Variants in ITIH5 observed in about 807,000 individuals in gnomAD.
ITIH5 encodes the protein inter-alpha-trypsin inhibitor heavy chain 5, also known as inter-alpha-trypsin inhibitor heavy chain H5.
In ITIH5, 65 loss-of-function variants were observed where a neutral mutation model predicts 77.5. That is an observed-to-expected ratio of 0.84 (90% CI 0.69 to 1.03). The LOEUF (loss-of-function observed/expected upper bound fraction) is 1.03. ITIH5 is among the 50% of genes least tolerant of loss of function. ITIH5 has a pLI of 0.00. For synonymous variants in ITIH5, 525 were observed against 494.3 expected, an observed-to-expected ratio of 1.06 and a Z score of -0.82; for missense variants, 1,208 against 1,213.1, an observed-to-expected ratio of 1.00 and a Z score of 0.06.
chr10:7,576,606 C>A lies in ITIH5; in HGVS notation c.1825G>T (p.Ala609Ser), dbSNP rs148052082. 9.9e-5 allele frequency: 159 copies of A among 1,614,112 alleles called. No individual in the cohort carries two copies. In the African/African-American group the frequency reaches 1.7e-3, roughly 17 times the overall value. ...ERLRQRAQAL[A>S]VSYRFLTPFT... ...GGAGTGAGGAAGCGGTAGCTCACAG[C>A]CAGGGCCTGGGCCCGCTGCCGCAGC... is the stretch of plus-strand genomic sequence containing the variant. The change falls in exon 10 of 14, where the codon GCT becomes TCT. Residue 609 changes from alanine to serine, a missense_variant. By Grantham distance (99) the Ala-to-Ser change is moderately conservative. Coordinates refer to ENST00000397146, the MANE Select transcript of ITIH5 (RefSeq NM_030569.7).
chr10:7,621,072 C>T (rs1394303144), intron 5 of ITIH5: 1 of 152,194 alleles, frequency 6.6e-6, no homozygotes, highest in East Asian at 1.9e-4. Context: ...TTTTAACGAG[C>T]CCTCTGGGTG....
chr10:7,656,910 A>T (rs2131109131), intron 1 of ITIH5, among the ~76,000 whole-genome samples: 1 of 151,212 alleles, frequency 6.6e-6, no homozygotes, highest in Middle Eastern at 3.4e-3. Context: ...CGCCCCGCTA[A>T]TTTTTGTATT....
At chr10:7,564,487 G>C (rs1832100649) in intron 13 of ITIH5, among the ~76,000 whole-genome samples, 2 of 152,070 alleles carry the variant, frequency 1.3e-5, no homozygotes, top group African/African-American at 4.8e-5. Flanking sequence ...ATGTTTAGAT[G>C]AACAAATACT....
chr10:7,579,668 A>G (rs1832499079), intron 9 of ITIH5, 87 bp downstream of exon 9: 3 of 1,337,070 alleles, frequency 2.2e-6, no homozygotes, highest in Non-Finnish European at 2.1e-6. Context: ...GCTGGGGTGC[A>G]GCAACACACT....
At chr10:7,621,439 G>T (rs1833472660) in intron 5 of ITIH5, 2 of 152,136 alleles carry the variant, frequency 1.3e-5, no homozygotes, top group African/African-American at 4.8e-5. Context: ...GCTTCCTAGT[G>T]ACCTCTGGTT....
chr10:7,629,346 G>T (rs1472660481), intron 5 of ITIH5, among the ~76,000 whole-genome samples: 6 of 98,074 alleles, frequency 6.1e-5, no homozygotes, highest in African/African-American at 3.1e-4. Context: ...TGCCCATGTT[G>T]TAGCGTGTGT....
chr10:7,623,531 T>C (rs749726185), intron 5 of ITIH5, among the ~76,000 whole-genome samples: 3 of 152,172 alleles, frequency 2.0e-5, no homozygotes, highest in Non-Finnish European at 4.4e-5. Context: ...AGGCCGGGCG[T>C]GGTGGCTCAC....
At chr10:7,566,923 A>C (rs979522333) in intron 12 of ITIH5, among the ~76,000 whole-genome samples, 1 of 93,596 alleles carries the variant, frequency 1.1e-5, no homozygotes, top group African/African-American at 5.5e-5. Flanking sequence ...AGAAGAAGAA[A>C]AGAAAAGAAA....
Position 7,562,907 on chromosome 10 carries a change from CTA to C in ITIH5, c.*174_*175del. 6 of 523,816 alleles carry C rather than the reference CTA, an allele frequency of 1.1e-5. No homozygotes were observed. Among genetic ancestry groups the C allele is most frequent in the South Asian group, 1.8e-5 (1 of 56,962 alleles). The allele number at this position is 523,816 out of a possible 1,614,324, so 32.4% of individuals were successfully genotyped here. ...ACATTTGCACTCAGGCTTCCCGCCCCTACCCACCCCTACCCTTCGCCCAGACA... is the reference window on the plus strand; with the variant it reads ...ACATTTGCACTCAGGCTTCCCGCCCCCCCACCCCTACCCTTCGCCCAGACA... On this transcript the variant is annotated 3_prime_UTR_variant, in exon 14 of 14. Coordinates refer to ENST00000397146, the MANE Select transcript of ITIH5 (RefSeq NM_030569.7).
At chr10:7,572,395 C>G in intron 11 of ITIH5, 1 of 1,364,728 alleles carries the variant, frequency 7.3e-7, no homozygotes, top group South Asian at 1.1e-5. Flanking sequence ...TCTGAAGCCA[C>G]GAACTGAAAA....
At chr10:7,631,976 T>C (rs1053709406) in intron 5 of ITIH5, among the ~76,000 whole-genome samples, 3 of 150,918 alleles carry the variant, frequency 2.0e-5, no homozygotes, top group Admixed American at 2.0e-4. Context: ...TTTTTTTTTT[T>C]TTAGTAGAAA....
At chr10:7,642,496 A>C (rs534957539) in intron 2 of ITIH5, among the ~76,000 whole-genome samples, 1 of 152,304 alleles carries the variant, frequency 6.6e-6, no homozygotes, top group Non-Finnish European at 1.5e-5. Flanking sequence ...ATGTTCCAAA[A>C]ACCGGAACAT....
At chr10:7,599,162 AT>A (rs200560542) in intron 7 of ITIH5, among the ~76,000 whole-genome samples, 59 of 152,154 alleles carry the variant, frequency 3.9e-4, no homozygotes, top group African/African-American at 1.2e-3. Context: ...CTAGAAATAG[AT>A]TTTTTTTCCC....
intron 1 of ITIH5, 147 bp downstream of exon 1, chr10:7,666,656 C>T: frequency 3.4e-6 from 2 of 591,906 alleles, no homozygotes; most frequent in Non-Finnish European, 2.9e-6. Context: ...AGGTGACGCA[C>T]GAGTGACCCA....
chr10:7,657,034 G>A (rs1384997346), intron 1 of ITIH5, among the ~76,000 whole-genome samples: 1 of 129,160 alleles, frequency 7.7e-6, no homozygotes, highest in Non-Finnish European at 1.6e-5. Flanking sequence ...GAGCCACCGC[G>A]TTCGGCCTTT....
chr10:7,633,671 G>GA (rs1206809547), intron 5 of ITIH5, among the ~76,000 whole-genome samples: 19 of 146,340 alleles, frequency 1.3e-4, no homozygotes, highest in Admixed American at 4.8e-4. Context: ...AATGGGGATT[G>GA]AAAAAAAAAA....
rs147507077 is a variant in ITIH5, at chr10:7,615,994, G to A, written c.927C>T (p.Thr309=). The change falls in exon 7 of 14, where the codon ACC becomes ACT. Residue 309 remains threonine, a synonymous_variant. Transcript: ENST00000397146. ...GGCACTCACTCACCTGCCGGAGTTT[G>A]GTTCCCACCATAGAAGCACTGCTGT... ...VLDSSASMVG[T]KLRQTKDALF... The A allele has an allele frequency of 9.0e-5, 144 of 1,601,996 alleles. No individual in the cohort carries two copies. The Middle Eastern group carries it at 9.9e-4, about 11-fold the overall frequency.
chr10:7,657,237 C>T (rs982487241), intron 1 of ITIH5, among the ~76,000 whole-genome samples: 9 of 143,568 alleles, frequency 6.3e-5, no homozygotes, highest in Admixed American at 1.4e-4. Flanking sequence ...TTAATAGAGA[C>T]GGAGTTTCAC....
intron 5 of ITIH5, among the ~76,000 whole-genome samples, chr10:7,630,010 A>C (rs922330760): frequency 9.9e-5 from 15 of 152,224 alleles, no homozygotes; most frequent in Non-Finnish European, 2.9e-5. Flanking sequence ...GTGATATTCT[A>C]TACATGTATA....
Sources: allele counts gnomAD v4.1 joint callset (sites outside exome capture counted in the v4.1 genomes callset), GRCh38; gene constraint gnomAD v4.1.1; transcripts MANE v1.5; gene names NCBI Gene and HGNC (gene_info 2026-07-23, HGNC 2026-07-21).